MAML3: variants seen among roughly 807,000 people sequenced by gnomAD.
The protein encoded by MAML3 is mastermind like transcriptional coactivator 3, also known as mastermind-like protein 3.
In MAML3, 27 loss-of-function variants were observed where a neutral mutation model predicts 101.9. The observed-to-expected ratio is 0.27, with a 90% confidence interval of 0.20 to 0.37. The LOEUF (loss-of-function observed/expected upper bound fraction) is 0.37. Ranked by LOEUF, MAML3 falls within the 10% of genes least tolerant of loss-of-function variation. The pLI, the probability that MAML3 is intolerant of heterozygous loss-of-function variation, is 1.00. For missense variants in MAML3, 1,316 were observed against 1,444.9 expected (o/e 0.91, Z 1.45); for synonymous variants, 501 against 555.9 (o/e 0.90, Z 1.39).
chr4:139,931,026 G>A (rs1452692818), intron 1 of MAML3, among the ~76,000 whole-genome samples: 2 of 152,126 alleles, frequency 1.3e-5, no homozygotes, highest in Non-Finnish European at 2.9e-5. Flanking sequence ...AAGCAATGCA[G>A]AGTCTGTGTT....
chr4:140,039,507 C>G (rs573347617), intron 1 of MAML3, among the ~76,000 whole-genome samples: 2 of 152,184 alleles, frequency 1.3e-5, no homozygotes, highest in African/African-American at 4.8e-5. Flanking sequence ...CACCAGGCCC[C>G]TAACCTTGAA....
intron 1 of MAML3, among the ~76,000 whole-genome samples, chr4:140,075,140 T>G (rs1313626400): frequency 6.6e-6 from 1 of 152,200 alleles, no homozygotes; most frequent in East Asian, 1.9e-4. Flanking sequence ...CTCATAACAT[T>G]TCTGTGAGGC....
intron 1 of MAML3, among the ~76,000 whole-genome samples, chr4:140,097,047 G>T (rs1010906652): frequency 6.6e-6 from 1 of 152,134 alleles, no homozygotes; most frequent in Non-Finnish European, 1.5e-5. Flanking sequence ...CCCACCAAGA[G>T]TGCACAGCCT....
At chr4:139,812,681 C>T (rs1730825490) in intron 2 of MAML3, among the ~76,000 whole-genome samples, 2 of 152,162 alleles carry the variant, frequency 1.3e-5, no homozygotes. Context: ...AGACTCCTAT[C>T]TAGGGAAATT....
chr4:139,907,325 C>T (rs1349936574), intron 1 of MAML3, among the ~76,000 whole-genome samples: 3 of 152,184 alleles, frequency 2.0e-5, no homozygotes, highest in Non-Finnish European at 4.4e-5. Context: ...TTTGTTCCAG[C>T]TCTAAGAGTC....
intron 2 of MAML3, among the ~76,000 whole-genome samples, chr4:139,878,679 T>G (rs530795802): frequency 1.3e-5 from 2 of 152,162 alleles, no homozygotes; most frequent in Non-Finnish European, 2.9e-5. Flanking sequence ...AAGTTGGGCA[T>G]CCGGCTGAGG....
Position 139,889,799 on chromosome 4 carries a change from G to A in MAML3, c.1637C>T (p.Ala546Val). 6.2e-7 allele frequency: 1 copy of A among 1,613,980 alleles called. No individual in the cohort carries two copies. Among genetic ancestry groups the A allele is most frequent in the African/African-American group, 1.3e-5 (1 of 75,032 alleles). Residue 546 changes from alanine (A) to valine (V), a missense_variant, in exon 2 of 5, where the codon GCC becomes GTC. Coordinates refer to ENST00000509479, the MANE Select transcript of MAML3 (RefSeq NM_018717.5). ...CACTATAGGGTTTTGGTTGTTAAAG[G>A]CTTGGGGGTACATCATTGGGCTATT... The part of the protein sequence containing the change: ...KPNSPMMYPQ[A>V]FNNQNPIVPP...
intron 2 of MAML3, among the ~76,000 whole-genome samples, chr4:139,772,952 C>A (rs1009676566): frequency 6.6e-6 from 1 of 151,376 alleles, no homozygotes; most frequent in Admixed American, 6.6e-5. Flanking sequence ...CAGTAGAGGG[C>A]CCTAACCCTA....
chr4:140,016,017 T>A (rs143860240), intron 1 of MAML3, among the ~76,000 whole-genome samples: 10 of 152,142 alleles, frequency 6.6e-5, no homozygotes, highest in Non-Finnish European at 1.3e-4. Flanking sequence ...ATGAATGACA[T>A]GATTGTGTAA....
intron 2 of MAML3, among the ~76,000 whole-genome samples, chr4:139,787,718 CTTAAA>C (rs919076906): frequency 8.5e-5 from 13 of 152,300 alleles, no homozygotes; most frequent in African/African-American, 3.1e-4. Flanking sequence ...AACCATGACT[CTTAAA>C]TTATTTTACT....
intron 1 of MAML3, among the ~76,000 whole-genome samples, chr4:140,100,375 C>G (rs1728235098): frequency 3.3e-5 from 5 of 152,112 alleles, no homozygotes; most frequent in Admixed American, 3.3e-4. Context: ...TGACAGAGAC[C>G]AAATTGTATT....
chr4:139,926,641 T>C (rs1733269317), intron 1 of MAML3, among the ~76,000 whole-genome samples: 2 of 152,216 alleles, frequency 1.3e-5, no homozygotes, highest in South Asian at 2.1e-4. Context: ...ATGCCTACTA[T>C]ATTAATGACA....
chr4:140,149,766 T>C (rs1454080632), intron 1 of MAML3, among the ~76,000 whole-genome samples: 1 of 152,128 alleles, frequency 6.6e-6, no homozygotes, highest in African/African-American at 2.4e-5. Flanking sequence ...CTCACTGGAG[T>C]ACAACTATAA....
At chr4:139,944,687 C>T (rs1300550351) in intron 1 of MAML3, among the ~76,000 whole-genome samples, 2 of 148,516 alleles carry the variant, frequency 1.3e-5, no homozygotes, top group South Asian at 2.2e-4. Context: ...AGCCAAAAAA[C>T]ACATGAAAAA....
chr4:139,828,888 G>C (rs949524031), intron 2 of MAML3, among the ~76,000 whole-genome samples: 8 of 151,802 alleles, frequency 5.3e-5, no homozygotes, highest in Admixed American at 1.3e-4. Context: ...GTGATTCCAC[G>C]CTTGAGCCCA....
chr4:139,971,140 C>A (rs1734228251), intron 1 of MAML3, among the ~76,000 whole-genome samples: 1 of 152,096 alleles, frequency 6.6e-6, no homozygotes, highest in Admixed American at 6.6e-5. Context: ...AGCTTCCAAC[C>A]TCTTTATCTC....
intron 1 of MAML3, among the ~76,000 whole-genome samples, chr4:139,928,519 G>C (rs1204160528): frequency 1.3e-5 from 2 of 152,186 alleles, no homozygotes; most frequent in Admixed American, 6.5e-5. Context: ...ATAATGAAAG[G>C]CTTCATGGAG....
Position 139,730,686 on chromosome 4 carries a change from G to C in MAML3, c.2080-19C>G. The C allele has an allele frequency of 6.3e-7, 1 of 1,598,068 alleles. No homozygotes were observed. The highest frequency in any genetic ancestry group is 1.1e-5 in the South Asian group (1 of 89,522). ...GCTGCTCCTGGGAAGACAAGAGAGA[G>C]GGAGATGCAGGGATTCCCCATAGAG... is the stretch of plus-strand genomic sequence containing the variant. On this transcript the variant is annotated intron_variant, in intron 2 of 4. Transcript: ENST00000509479.
chr4:140,116,820 A>G (rs932103680), intron 1 of MAML3, among the ~76,000 whole-genome samples: 1 of 152,226 alleles, frequency 6.6e-6, no homozygotes, highest in African/African-American at 2.4e-5. Context: ...TTGATGACAA[A>G]AGATCAGCAC....
Sources: gnomAD v4.1 joint callset for allele counts (sites outside exome capture counted in the v4.1 genomes callset) on GRCh38, gnomAD v4.1.1 for gene constraint, MANE v1.5 for transcripts, NCBI Gene and HGNC (gene_info 2026-07-23, HGNC 2026-07-21) for gene names.